MAST4: variants seen among roughly 807,000 people sequenced by gnomAD.
MAST4 encodes microtubule-associated serine/threonine-protein kinase 4.
In MAST4, 89 loss-of-function variants were observed where a neutral mutation model predicts 162.7. The ratio of observed to expected loss-of-function variants is 0.55; its 90% CI spans 0.46 to 0.65. MAST4 has a LOEUF of 0.65. Ranked by LOEUF, MAST4 falls within the 30% of genes least tolerant of loss-of-function variation. The pLI is 0.00. For synonymous variants in MAST4, 1,479 were observed against 1,361.1 expected, an observed-to-expected ratio of 1.09 and a Z score of -1.91; for missense variants, 3,153 against 3,374.0, an observed-to-expected ratio of 0.93 and a Z score of 1.62.
Position 67,164,466 on chromosome 5 carries a change from G to A in MAST4, c.5287G>A (p.Gly1763Ser), listed in dbSNP as rs1773625342. The A allele has an allele frequency of 4.3e-6, 7 of 1,614,034 alleles. No individual in the cohort carries two copies. The highest frequency in any genetic ancestry group is 5.1e-6 in the Non-Finnish European group (6 of 1,179,892). ...TTTTGTTCCCCTCAAGGCCTTAACA[G>A]GCCGGGTGGACAGTGGAACGGAGAA... Reference protein sequence around the residue: ...VSFVPLKALTGRVDSGTEKPG... With the variant: ...VSFVPLKALTSRVDSGTEKPG... Residue 1763 changes from glycine to serine, a missense_variant, in exon 29 of 29, where the codon GGC (glycine) becomes AGC (serine). Physicochemically the swap from Gly to Ser is moderately conservative, Grantham distance 56 (BLOSUM62 0). Around this residue, in one of 7 missense-constraint regions of MAST4, gnomAD observed 1,644 missense variants for 1,495.0 expected, o/e 1.10. Coordinates refer to ENST00000403625, the MANE Select transcript of MAST4 (RefSeq NM_001164664.2). The surrounding 1 kb of genome is among the most constrained non-coding windows in gnomAD (Gnocchi z 5.3).
chr5:67,050,573 G>A (rs751695369), intron 4 of MAST4, among the ~76,000 whole-genome samples: 3 of 152,124 alleles, frequency 2.0e-5, no homozygotes, highest in Non-Finnish European at 1.5e-5. Flanking sequence ...GTGTCTCATA[G>A]TTGCCCCTAG....
At chr5:66,793,113 A>G (rs2149683117) in intron 3 of MAST4, among the ~76,000 whole-genome samples, 1 of 152,354 alleles carries the variant, frequency 6.6e-6, no homozygotes, top group East Asian at 1.9e-4. Flanking sequence ...GCAAGCTTGA[A>G]GGTATTGCTA....
At chr5:66,799,993 T>A (rs1755837753) in intron 3 of MAST4, among the ~76,000 whole-genome samples, 1 of 152,214 alleles carries the variant, frequency 6.6e-6, no homozygotes, top group Non-Finnish European at 1.5e-5. Flanking sequence ...CAATAAATAT[T>A]AACTATTATT....
At chr5:66,634,258 C>T (rs1376943391) in intron 1 of MAST4, among the ~76,000 whole-genome samples, 1 of 152,154 alleles carries the variant, frequency 6.6e-6, no homozygotes, top group African/African-American at 2.4e-5. Context: ...AGGGTTTCTC[C>T]ATGTTTGTCA....
In MAST4 at chr5:67,166,928, C is replaced by G. The variant is rs767975267; in HGVS notation, c.7749C>G (p.Thr2583=). ...ARKQNVGRDV[T]KPSPAPNTDR... ...AACAGAACGTGGGCAGAGACGTGACCAAGCCATCCCCAGCCCCAAACACTG... is the reference window on the plus strand; with the variant it reads ...AACAGAACGTGGGCAGAGACGTGACGAAGCCATCCCCAGCCCCAAACACTG... The change falls in exon 29 of 29, where the codon ACC becomes ACG. Residue 2583 remains threonine, a synonymous_variant. Coordinates refer to ENST00000403625, the MANE Select transcript of MAST4 (RefSeq NM_001164664.2). 5 of 1,611,832 alleles carry G rather than the reference C, an allele frequency of 3.1e-6. No homozygotes were observed. The highest frequency in any genetic ancestry group is 4.2e-6 in the Non-Finnish European group (5 of 1,179,386).
At chr5:67,015,439 T>C (rs1193437509) in intron 4 of MAST4, among the ~76,000 whole-genome samples, 2 of 152,194 alleles carry the variant, frequency 1.3e-5, no homozygotes, top group South Asian at 2.1e-4. Context: ...TGGAGGGGAT[T>C]CATGGCCCAA....
intron 2 of MAST4, among the ~76,000 whole-genome samples, chr5:66,780,549 C>A (rs556676481): frequency 7.9e-5 from 12 of 152,278 alleles, no homozygotes; most frequent in Admixed American, 6.5e-4. Flanking sequence ...CGTGCGGACC[C>A]AAAGAGTGAG....
intron 2 of MAST4, among the ~76,000 whole-genome samples, chr5:66,761,475 T>C (rs1249726198): frequency 1.3e-5 from 2 of 152,246 alleles, no homozygotes; most frequent in Non-Finnish European, 2.9e-5. Flanking sequence ...ACTTTGTTTC[T>C]TAAAATCCCC....
At position 67,165,081 on chromosome 5, in the gene MAST4, C is replaced by T; in HGVS notation, c.5902C>T (p.Pro1968Ser). The change falls in exon 29 of 29, where the codon CCA becomes TCA. Residue 1968 changes from proline to serine, a missense_variant. Coordinates refer to ENST00000403625, the MANE Select transcript of MAST4 (RefSeq NM_001164664.2). ...TGAAGCTTCCCCCTCAAGGGAGAAG[C>T]CAGGCCTGAGGGAATCGTCTGAAAG... is the stretch of plus-strand genomic sequence containing the variant. Reference protein sequence around the residue: ...PPEASPSREKPGLRESSERGP... With the variant: ...PPEASPSREKSGLRESSERGP... The T allele has an allele frequency of 1.3e-6, 2 of 1,597,244 alleles. No individual in the cohort carries two copies. The highest frequency in any genetic ancestry group is 1.7e-6 in the Non-Finnish European group (2 of 1,171,816).
Position 67,163,460 on chromosome 5 carries a change from C to A in MAST4, c.4281C>A (p.Ile1427=). ...MHSPPTIVRH[I]VRPKSAEPPR... ...CCCCGCCCACCATCGTCAGACACAT[C>A]GTGAGGCCCAAGAGTGCGGAGCCCC... Residue 1427 remains isoleucine, a synonymous_variant, in exon 29 of 29, where the codon ATC becomes ATA. Coordinates refer to ENST00000403625, the MANE Select transcript of MAST4 (RefSeq NM_001164664.2). This position sits in a 1 kb window ranked among gnomAD's most constrained non-coding sequence, Gnocchi z 7.0. The A allele has an allele frequency of 6.2e-7, 1 of 1,613,508 alleles. No individual in the cohort carries two copies. Among genetic ancestry groups the A allele is most frequent in the Non-Finnish European group, 8.5e-7 (1 of 1,179,870 alleles).
intron 14 of MAST4, among the ~76,000 whole-genome samples, chr5:67,125,825 C>T (rs1768159081): frequency 1.3e-5 from 2 of 152,232 alleles, no homozygotes; most frequent in South Asian, 4.1e-4. Context: ...GAGGAATCGC[C>T]ACACTGTCTT....
chr5:66,935,662 CTTTCTTTCTTTCTTT>C (rs1344375484), intron 4 of MAST4, among the ~76,000 whole-genome samples: 2 of 147,220 alleles, frequency 1.4e-5, no homozygotes, highest in Non-Finnish European at 1.5e-5. Flanking sequence ...TTTTTTCTTT[CTTTCTTTCTTTCTTT>C]TTTTTTTTTT....
intron 6 of MAST4, among the ~76,000 whole-genome samples, chr5:67,093,801 G>A (rs1313464615): frequency 6.6e-6 from 1 of 152,148 alleles, no homozygotes; most frequent in African/African-American, 2.4e-5. Context: ...CCAGAGACTA[G>A]TTTCTGATAA....
intron 1 of MAST4, among the ~76,000 whole-genome samples, chr5:66,661,353 A>C (rs1746898036): frequency 5.9e-5 from 9 of 152,140 alleles, no homozygotes; most frequent in Admixed American, 5.9e-4. Context: ...TGCAGGATGA[A>C]GGGGGAAGGG....
In MAST4 at chr5:67,067,688, A is replaced by G. The variant is rs115396085; in HGVS notation, c.763+13196A>G. On this transcript the variant is annotated intron_variant, in intron 5 of 28. Transcript: ENST00000403625. ...CCTTTGGAGGTCCCTTTGCTGGTAC[A>G]GTTACTCTGGTTTCGAGCTGATTTG... Among the ~76,000 whole-genome samples, 1,211 of 152,156 alleles carry G rather than the reference A, an allele frequency of 8.0e-3. 18 individuals carry two copies. Among genetic ancestry groups the G allele is most frequent in the African/African-American group, 0.028 (1,145 of 41,528 alleles).
intron 4 of MAST4, among the ~76,000 whole-genome samples, chr5:67,002,205 A>G (rs189403126): frequency 1.3e-5 from 2 of 152,318 alleles, no homozygotes; most frequent in Admixed American, 1.3e-4. Context: ...GCTACATGAT[A>G]TAGATACAAA....
intron 5 of MAST4, among the ~76,000 whole-genome samples, chr5:67,084,798 T>G (rs1763062073): frequency 6.6e-6 from 1 of 152,184 alleles, no homozygotes; most frequent in African/African-American, 2.4e-5. Flanking sequence ...ATATTTTACT[T>G]AGCATTGTTG....
At chr5:66,646,176 C>A (rs1745822531) in intron 1 of MAST4, among the ~76,000 whole-genome samples, 1 of 152,044 alleles carries the variant, frequency 6.6e-6, no homozygotes, top group African/African-American at 2.4e-5. Flanking sequence ...GTTATAAACA[C>A]TTTTTGCCAT....
At position 66,876,685 on chromosome 5, in the gene MAST4, A is replaced by G. The variant is rs558571917; in HGVS notation, c.643-23266A>G. On this transcript the variant is annotated intron_variant, in intron 3 of 28. Coordinates refer to ENST00000403625, the MANE Select transcript of MAST4 (RefSeq NM_001164664.2). ...TACAGCCAGTACTTAGTTAAATGAG[A>G]CATAGTCTGCCCTATGACCCAGCGG... is the stretch of plus-strand genomic sequence containing the variant. Among the ~76,000 whole-genome samples, 9 of 152,262 alleles carry G rather than the reference A, an allele frequency of 5.9e-5. No individual in the cohort carries two copies. In the South Asian group the frequency reaches 1.9e-3, roughly 32 times the overall value.
Sources: allele counts gnomAD v4.1 joint callset (sites outside exome capture counted in the v4.1 genomes callset), GRCh38; gene constraint gnomAD v4.1.1; regional missense constraint gnomAD v4.1.1; non-coding constraint Gnocchi (gnomAD v3.1); transcripts MANE v1.5; gene names NCBI Gene and HGNC (gene_info 2026-07-23, HGNC 2026-07-21).